Variants in FMNL2 observed in about 807,000 individuals in gnomAD.
FMNL2 encodes the protein formin-like protein 2.
In FMNL2, 51 loss-of-function variants were observed where a neutral mutation model predicts 130.2. The observed-to-expected ratio is 0.39, with a 90% CI of 0.31 to 0.49. The LOEUF is 0.49. FMNL2 is among the 20% of genes least tolerant of loss of function. The pLI is 0.85. For synonymous variants in FMNL2, 465 were observed against 467.1 expected (o/e 1.00, Z 0.06); for missense variants, 977 against 1,316.2 (o/e 0.74, Z 3.99).
At position 152,619,552 on chromosome 2, in the gene FMNL2, G is replaced by GCCACCCCCCCC; in HGVS notation, c.1673_1674insACCCCCCCCCC (p.Pro563LeufsTer29). On this transcript the variant is annotated frameshift_variant, in exon 15 of 26. Transcript: ENST00000288670. LOFTEE classifies it high-confidence loss of function. ...CACCACCTATGCCACCGCCGCCGCC[G>GCCACCCCCCCC]CCCCCTCCTCCACCTCCTCCTCCCC... The GCCACCCCCCCC allele has an allele frequency of 5.6e-6, 8 of 1,417,684 alleles. No homozygotes were observed. Among genetic ancestry groups the GCCACCCCCCCC allele is most frequent in the Admixed American group, 4.5e-5 (2 of 44,686 alleles). The allele number at this position is 1,417,684 out of a possible 1,614,324, so 87.8% of individuals were successfully genotyped here. A position where few individuals can be genotyped will look rare whatever the true frequency, so the allele number is the denominator to read the frequency against.
intron 25 of FMNL2, among the ~76,000 whole-genome samples, chr2:152,646,593 G>A (rs1319272626): frequency 1.4e-5 from 2 of 148,054 alleles, no homozygotes; most frequent in Admixed American, 6.7e-5. Context: ...GGGGGGTGGG[G>A]GGGCACAGTG....
intron 6 of FMNL2, 104 bp from the exon 7 acceptor site, chr2:152,575,032 A>G (rs930833779): frequency 3.2e-6 from 2 of 623,828 alleles, no homozygotes; most frequent in Non-Finnish European, 5.5e-6. Context: ...TTTAACCTAC[A>G]ATCCTTGTTT....
At chr2:152,614,155 C>T (rs1330509983) in intron 11 of FMNL2, among the ~76,000 whole-genome samples, 1 of 152,234 alleles carries the variant, frequency 6.6e-6, no homozygotes, top group East Asian at 1.9e-4. Context: ...ACCAAACACT[C>T]CAGTCTTTTC....
At chr2:152,573,549 A>G (rs910095025) in intron 6 of FMNL2, among the ~76,000 whole-genome samples, 5 of 152,300 alleles carry the variant, frequency 3.3e-5, no homozygotes, top group African/African-American at 1.2e-4. Flanking sequence ...TCTTAACTGT[A>G]TCAAGAAAGG....
chr2:152,596,724 T>A (rs552313431), intron 9 of FMNL2, among the ~76,000 whole-genome samples: 1 of 152,364 alleles, frequency 6.6e-6, no homozygotes, highest in South Asian at 2.1e-4. Flanking sequence ...GATCTGCTTC[T>A]GCGTTTAGTC....
chr2:152,387,558 C>T (rs1165940669), intron 1 of FMNL2, among the ~76,000 whole-genome samples: 2 of 152,190 alleles, frequency 1.3e-5, no homozygotes, highest in Non-Finnish European at 2.9e-5. Context: ...TTATCAAGCC[C>T]TGCTTATACT....
At chr2:152,507,019 C>T (rs1350687479) in intron 1 of FMNL2, among the ~76,000 whole-genome samples, 3 of 152,130 alleles carry the variant, frequency 2.0e-5, no homozygotes, top group South Asian at 2.1e-4. Context: ...AAAACAGTTT[C>T]GCAAAGGTAA....
At chr2:152,530,762 A>G (rs374224973) in intron 2 of FMNL2, among the ~76,000 whole-genome samples, 10 of 152,356 alleles carry the variant, frequency 6.6e-5, no homozygotes, top group Middle Eastern at 3.4e-3. Flanking sequence ...AGTTTAAAAG[A>G]AGTCATTTTC....
chr2:152,362,487 T>C (rs1683237494), intron 1 of FMNL2, among the ~76,000 whole-genome samples: 1 of 152,118 alleles, frequency 6.6e-6, no homozygotes, highest in East Asian at 1.9e-4. Context: ...TGCAAACCAT[T>C]TGAGATATTT....
At chr2:152,382,087 C>T (rs187269460) in intron 1 of FMNL2, among the ~76,000 whole-genome samples, 112 of 152,310 alleles carry the variant, frequency 7.4e-4, no homozygotes, top group African/African-American at 2.7e-3. Flanking sequence ...GAGTGAGCCA[C>T]CATGCCTGGC....
intron 1 of FMNL2, among the ~76,000 whole-genome samples, chr2:152,447,601 CT>C (rs35076354): frequency 6.6e-6 from 1 of 152,116 alleles, no homozygotes; most frequent in South Asian, 2.1e-4. Context: ...TTGTTACCAT[CT>C]TTTTCCACTT....
intron 9 of FMNL2, among the ~76,000 whole-genome samples, chr2:152,597,875 G>A (rs1455933516): frequency 6.6e-6 from 1 of 152,222 alleles, no homozygotes; most frequent in East Asian, 1.9e-4. Context: ...AAGACCCAGA[G>A]GTGACTGTGG....
intron 6 of FMNL2, among the ~76,000 whole-genome samples, chr2:152,573,654 T>A (rs1696307062): frequency 6.6e-6 from 1 of 152,226 alleles, no homozygotes; most frequent in African/African-American, 2.4e-5. Flanking sequence ...AATGTTATTA[T>A]TTTAGACATA....
At chr2:152,497,414 G>A (rs187449484) in intron 1 of FMNL2, among the ~76,000 whole-genome samples, 25 of 152,096 alleles carry the variant, frequency 1.6e-4, no homozygotes, top group South Asian at 1.2e-3. Flanking sequence ...TAATACATTA[G>A]GTTCTCTTAT....
At chr2:152,523,761 A>G (rs1470727048) in intron 2 of FMNL2, among the ~76,000 whole-genome samples, 3 of 152,174 alleles carry the variant, frequency 2.0e-5, no homozygotes, top group Non-Finnish European at 2.9e-5. Context: ...ATACTTCTGT[A>G]TGATTGCATT....
intron 1 of FMNL2, among the ~76,000 whole-genome samples, chr2:152,393,084 C>T (rs67689907): frequency 0.12 from 17,756 of 152,122 alleles, 1,163 homozygotes; most frequent in Middle Eastern, 0.28. Context: ...TACCCTTCAC[C>T]CTTCCCTCAT....
rs772424243 is a variant in FMNL2, at chr2:152,521,950, T to C, written c.125T>C (p.Met42Thr). Reference sequence around the variant, plus strand: ...TTTATTTTTTTTAAACAGAATGCTATGAACCTACCTCCTGACAAAGCCAGG... The same window carrying C: ...TTTATTTTTTTTAAACAGAATGCTACGAACCTACCTCCTGACAAAGCCAGG... ...EERFAIVLNA[M>T]NLPPDKARLL... The change falls in exon 2 of 26, where the codon ATG becomes ACG. Residue 42 changes from methionine (M) to threonine (T), a missense_variant. Around this residue, in one of 4 missense-constraint regions of FMNL2, gnomAD observed 117 missense variants for 134.9 expected, o/e 0.87. Transcript: ENST00000288670. 3.1e-6 allele frequency: 5 copies of C among 1,612,708 alleles called. No individual in the cohort carries two copies. In the South Asian group the frequency reaches 4.4e-5, roughly 14 times the overall value.
At position 152,618,982 on chromosome 2, in the gene FMNL2, A is replaced by G. The variant is rs763431065; in HGVS notation, c.1451A>G (p.Gln484Arg). Residue 484 changes from glutamine to arginine, a missense_variant, in exon 14 of 26, where the codon CAG becomes CGG. Around this residue, in one of 4 missense-constraint regions of FMNL2, gnomAD observed 689 missense variants for 995.9 expected, o/e 0.69. Coordinates refer to ENST00000288670, the MANE Select transcript of FMNL2 (RefSeq NM_052905.4). ...GAGAAACAAGGGACCATTAAAATTC[A>G]GAAGAAAGGGGATGGGGATATCGCC... ...ELEKQGTIKI[Q>R]KKGDGDIAIL... The G allele has an allele frequency of 6.2e-7, 1 of 1,614,088 alleles. No individual in the cohort carries two copies. The highest frequency in any genetic ancestry group is 1.1e-5 in the South Asian group (1 of 91,090).
intron 1 of FMNL2, among the ~76,000 whole-genome samples, chr2:152,502,441 CTT>C (rs1385032114): frequency 6.6e-6 from 1 of 152,226 alleles, no homozygotes; most frequent in Non-Finnish European, 1.5e-5. Flanking sequence ...AATTCCAGCA[CTT>C]TGGGAGGCCA....
Sources: gnomAD v4.1 joint callset for allele counts (sites outside exome capture counted in the v4.1 genomes callset) on GRCh38, gnomAD v4.1.1 for gene constraint, gnomAD v4.1.1 regional missense constraint, MANE v1.5 for transcripts, NCBI Gene and HGNC (gene_info 2026-07-23, HGNC 2026-07-21) for gene names.